The following EPYC variants were observed in gnomAD, a reference collection of about 807,000 sequenced individuals.
EPYC encodes the protein dermatan sulfate proteoglycan 3.
Under a neutral mutation model 30.1 loss-of-function variants are expected in EPYC, and 28 were observed. That is an observed-to-expected ratio of 0.93 (90% CI 0.69 to 1.28). The LOEUF is 1.28. Among genes scored for constraint, EPYC ranks in the 50% most tolerant of loss-of-function variants. The pLI is 0.00. For missense variants in EPYC, 382 were observed against 383.5 expected (o/e 1.00, Z 0.03); for synonymous variants, 144 against 141.4 (o/e 1.02, Z -0.13).
chr12:90,966,402 T>G (rs537717040), intron 6 of EPYC, among the ~76,000 whole-genome samples: 1 of 152,236 alleles, frequency 6.6e-6, no homozygotes, highest in East Asian at 1.9e-4. Flanking sequence ...GAAATAATCA[T>G]ATGGTTTTAA....
At chr12:90,999,464 C>T (rs115973378) in intron 2 of EPYC, among the ~76,000 whole-genome samples, 130 of 152,132 alleles carry the variant, frequency 8.5e-4, no homozygotes, top group African/African-American at 3.0e-3. Flanking sequence ...TAGGCTGAAA[C>T]AGGCAGAAAC....
intron 2 of EPYC, among the ~76,000 whole-genome samples, chr12:90,989,977 C>A (rs767475449): frequency 2.0e-5 from 3 of 151,934 alleles, no homozygotes; most frequent in Admixed American, 6.6e-5. Flanking sequence ...TATTCCCTAC[C>A]CCCTTATTGC....
intron 2 of EPYC, among the ~76,000 whole-genome samples, chr12:90,995,280 T>C (rs1268927941): frequency 6.6e-6 from 1 of 152,128 alleles, no homozygotes; most frequent in African/African-American, 2.4e-5. Context: ...AGAAGGATCA[T>C]ATTACCTCTT....
intron 3 of EPYC, among the ~76,000 whole-genome samples, chr12:90,977,073 T>TTTG: frequency 6.6e-6 from 1 of 152,298 alleles, no homozygotes; most frequent in East Asian, 1.9e-4. Context: ...AATTTGTTTC[T>TTTG]ATGTCTATCT....
intron 2 of EPYC, among the ~76,000 whole-genome samples, chr12:90,994,934 C>T (rs1279463489): frequency 5.9e-5 from 9 of 151,948 alleles, no homozygotes; most frequent in Admixed American, 5.9e-4. Flanking sequence ...AATCTTGAAG[C>T]TACTCCTCTG....
chr12:91,004,460 T>C (rs1877904773), intron 1 of EPYC, among the ~76,000 whole-genome samples: 1 of 152,110 alleles, frequency 6.6e-6, no homozygotes, highest in South Asian at 2.1e-4. Context: ...GTGTTCACTT[T>C]ATACCATTTA....
chr12:90,969,758 GT>G (rs199837991), intron 6 of EPYC, among the ~76,000 whole-genome samples: 2 of 151,352 alleles, frequency 1.3e-5, no homozygotes. Context: ...ACTTTCAGTG[GT>G]TTTTTTTCTA....
rs755839141 is a variant in EPYC, at chr12:90,971,908, C to A, written c.594G>T (p.Leu198=). The A allele has an allele frequency of 7.4e-6, 12 of 1,612,042 alleles. No homozygotes were observed. In the East Asian group the frequency reaches 2.7e-4, roughly 36 times the overall value. Residue 198 remains leucine, a synonymous_variant, in exon 5 of 7, where the codon CTG becomes CTT. Coordinates refer to ENST00000261172, the MANE Select transcript of EPYC (RefSeq NM_004950.5). ...RKLPQLRELV[L]RDNKIRQLPE... ...GGAGCTGCCTTATTTTGTTGTCACG[C>A]AGGACAAGCTCTCGAAGTTGAGGCA...
At chr12:90,977,839 G>A (rs375874265) in intron 3 of EPYC, among the ~76,000 whole-genome samples, 30 of 152,104 alleles carry the variant, frequency 2.0e-4, no homozygotes, top group African/African-American at 6.5e-4. Flanking sequence ...ACCAGGTTTC[G>A]AGTAATGATA....
chr12:90,991,381 C>A (rs188202243), intron 2 of EPYC, among the ~76,000 whole-genome samples: 9 of 152,160 alleles, frequency 5.9e-5, no homozygotes. Context: ...AGGACAATAA[C>A]AAGTGAAGTC....
chr12:90,964,378 G>T, intron 6 of EPYC, 52 bp from the exon 7 acceptor site: 2 of 1,373,166 alleles, frequency 1.5e-6, no homozygotes, highest in Non-Finnish European at 2.0e-6. Context: ...TCTTAGTATT[G>T]ATTGATAGCG....
intron 2 of EPYC, among the ~76,000 whole-genome samples, chr12:90,986,994 C>T (rs987511946): frequency 6.6e-6 from 1 of 152,018 alleles, no homozygotes; most frequent in African/African-American, 2.4e-5. Context: ...ACAGTTGAAT[C>T]AGTATGGGTA....
Position 90,980,540 on chromosome 12 carries a change from A to G in EPYC, c.166-2278T>C, listed in dbSNP as rs537037176. On this transcript the variant is annotated intron_variant, in intron 2 of 6. Coordinates refer to ENST00000261172, the MANE Select transcript of EPYC (RefSeq NM_004950.5). ...TAGGCATTTTTTCCCCTCTTCAACC[A>G]TCTTCGTACTGTGATATGAAGTTAT... 1.2e-4 allele frequency among the ~76,000 whole-genome samples: 18 copies of G among 152,274 alleles called. 1 individual carries two copies. In the South Asian group the frequency reaches 1.5e-3, roughly 12 times the overall value.
At chr12:90,999,148 A>G (rs1198219932) in intron 2 of EPYC, among the ~76,000 whole-genome samples, 2 of 152,094 alleles carry the variant, frequency 1.3e-5, no homozygotes, top group Non-Finnish European at 2.9e-5. Context: ...CAACTGTGCC[A>G]TATAGTATAG....
chr12:90,976,893 C>T (rs1246077209), intron 3 of EPYC, among the ~76,000 whole-genome samples: 1 of 152,076 alleles, frequency 6.6e-6, no homozygotes, highest in Non-Finnish European at 1.5e-5. Flanking sequence ...TCTCTCTTTC[C>T]TGCTGCCATG....
rs773468164 is a variant in EPYC at position 90,964,346 on chromosome 12, A to G, written c.799-20T>C. 3 of 1,567,946 alleles carry G rather than the reference A, an allele frequency of 1.9e-6. No homozygotes were observed. The South Asian group carries it at 3.4e-5, about 18-fold the overall frequency. On this transcript the variant is annotated intron_variant, in intron 6 of 6. Coordinates refer to ENST00000261172, the MANE Select transcript of EPYC (RefSeq NM_004950.5). The stretch of plus-strand genomic sequence containing the variant: ...GTTATTCTAAAAAAGATGAAAATAA[A>G]TTATGACAAGATATAACACATTCTT...
intron 2 of EPYC, among the ~76,000 whole-genome samples, chr12:90,984,706 G>A (rs190974961): frequency 3.3e-5 from 5 of 152,114 alleles, no homozygotes; most frequent in African/African-American, 7.2e-5. Context: ...GCTTACCTCC[G>A]TATCCTAACC....
chr12:90,997,310 G>A (rs2120864906), intron 2 of EPYC, among the ~76,000 whole-genome samples: 1 of 149,938 alleles, frequency 6.7e-6, no homozygotes, highest in East Asian at 2.0e-4. Context: ...ATGTAGTAGA[G>A]GTGAGGAGGA....
chr12:90,981,377 C>A (rs1445280861), intron 2 of EPYC, among the ~76,000 whole-genome samples: 1 of 152,076 alleles, frequency 6.6e-6, no homozygotes, highest in Non-Finnish European at 1.5e-5. Context: ...AGAAAATCAT[C>A]CAATTACATT....
Sources: gnomAD v4.1 joint callset for allele counts (sites outside exome capture counted in the v4.1 genomes callset) on GRCh38, gnomAD v4.1.1 for gene constraint, MANE v1.5 for transcripts, NCBI Gene and HGNC (gene_info 2026-07-23, HGNC 2026-07-21) for gene names.